Variants in FGF12 observed in about 807,000 individuals in gnomAD.
The protein encoded by FGF12 is fibroblast growth factor 12B.
In FGF12, 14 loss-of-function variants were observed where a neutral mutation model predicts 23.6. The observed-to-expected ratio is 0.59, with a 90% CI of 0.39 to 0.93. The LOEUF is 0.93. Ranked by LOEUF, FGF12 falls within the 40% of genes least tolerant of loss-of-function variation. FGF12 has a pLI of 0.00. For missense variants in FGF12, 175 were observed against 217.8 expected, an observed-to-expected ratio of 0.80 and a Z score of 1.24; for synonymous variants, 62 against 77.3, an observed-to-expected ratio of 0.80 and a Z score of 1.04.
chr3:192,663,057 T>G (rs533068451), intron 2 of FGF12, among the ~76,000 whole-genome samples: 1 of 152,300 alleles, frequency 6.6e-6, no homozygotes, highest in East Asian at 1.9e-4. Context: ...AATGTTCTTT[T>G]TAGGTAGGCC....
chr3:192,347,671 A>G (rs1176631732), intron 3 of FGF12, among the ~76,000 whole-genome samples: 1 of 152,140 alleles, frequency 6.6e-6, no homozygotes, highest in South Asian at 2.1e-4. Context: ...CAATTCTTCC[A>G]AAGAAAAGAA....
chr3:192,222,423 T>C (rs915957329), intron 4 of FGF12, among the ~76,000 whole-genome samples: 14 of 152,148 alleles, frequency 9.2e-5, no homozygotes, highest in Non-Finnish European at 1.8e-4. Context: ...CTCCCGAACA[T>C]GATTATTGGA....
At chr3:192,523,830 G>C (rs545538748) in intron 2 of FGF12, among the ~76,000 whole-genome samples, 1 of 152,184 alleles carries the variant, frequency 6.6e-6, no homozygotes, top group African/African-American at 2.4e-5. Context: ...GAAGCCTGTG[G>C]TAATGATAGC....
At chr3:192,437,247 A>T (rs1326042294) in intron 2 of FGF12, among the ~76,000 whole-genome samples, 2 of 152,214 alleles carry the variant, frequency 1.3e-5, no homozygotes, top group East Asian at 3.8e-4. Flanking sequence ...CACTCTCAAA[A>T]TCATTAGGAA....
intron 4 of FGF12, among the ~76,000 whole-genome samples, chr3:192,323,154 T>C (rs1214386709): frequency 1.3e-5 from 2 of 152,108 alleles, no homozygotes; most frequent in South Asian, 2.1e-4. Context: ...TGGAAAACAG[T>C]ATGGAGGTTC....
intron 4 of FGF12, among the ~76,000 whole-genome samples, chr3:192,320,213 A>G (rs1422192490): frequency 6.6e-6 from 1 of 152,182 alleles, no homozygotes; most frequent in Non-Finnish European, 1.5e-5. Context: ...ATCAGACAAA[A>G]TAGATTTCAA....
intron 5 of FGF12, 54 bp from the exon 6 acceptor site, chr3:192,144,181 A>G: frequency 2.0e-6 from 2 of 997,248 alleles, no homozygotes; most frequent in Admixed American, 2.0e-5. Context: ...AATTTCCTTC[A>G]ATAAGCTTTT....
chr3:192,252,146 T>A (rs1385378393), intron 4 of FGF12, among the ~76,000 whole-genome samples: 1 of 151,968 alleles, frequency 6.6e-6, no homozygotes, highest in Non-Finnish European at 1.5e-5. Context: ...TTCTCTAGGA[T>A]GCGAAATATT....
intron 2 of FGF12, among the ~76,000 whole-genome samples, chr3:192,416,250 A>G (rs1055395151): frequency 2.0e-5 from 3 of 152,114 alleles, no homozygotes; most frequent in African/African-American, 7.2e-5. Context: ...CTGTCAGAGG[A>G]TCAAATGGAA....
At chr3:192,712,697 C>T (rs977556281) in intron 2 of FGF12, among the ~76,000 whole-genome samples, 15 of 151,394 alleles carry the variant, frequency 9.9e-5, no homozygotes, top group African/African-American at 2.9e-4. Context: ...AGATATTTTC[C>T]GATATGAAAA....
chr3:192,561,172 G>A (rs539220047), intron 2 of FGF12, among the ~76,000 whole-genome samples: 84 of 151,612 alleles, frequency 5.5e-4, no homozygotes, highest in African/African-American at 1.9e-3. Context: ...ACAAACACAC[G>A]CACAGCTATA....
At position 192,378,030 on chromosome 3, in the gene FGF12, C is replaced by CT. The variant is rs1366066122; in HGVS notation, c.14-17493dup. ...TCCCTTTCTTCTGACTCTTTCTTTT[C>CT]TTTCTTTCTTTCTTTCTTTCTTTCT... On this transcript the variant is annotated intron_variant, in intron 2 of 5. Coordinates refer to ENST00000445105, the MANE Select transcript of FGF12 (RefSeq NM_004113.6). Among the ~76,000 whole-genome samples the CT allele has an allele frequency of 3.4e-5, 2 of 59,536 alleles. 1 individual carries two copies. The highest frequency in any genetic ancestry group is 1.3e-3 in the South Asian group (2 of 1,512). The allele number at this position is 59,536 out of a possible 152,430, so 39.1% of individuals were successfully genotyped here.
At position 192,573,242 on chromosome 3, in the gene FGF12, T is replaced by TA. The variant is rs35240510; in HGVS notation, c.13+153938dup. ...GGGATGGTTGGTGCCTTGTGGAGCT[T>TA]AAAAAAAAAAAAGGATAGTCAATAT... On this transcript the variant is annotated intron_variant, in intron 2 of 5. Coordinates refer to ENST00000445105, the MANE Select transcript of FGF12 (RefSeq NM_004113.6). Among the ~76,000 whole-genome samples, 321 of 148,244 alleles carry TA rather than the reference T, an allele frequency of 2.2e-3. 1 individual carries two copies. The highest frequency in any genetic ancestry group is 7.3e-3 in the African/African-American group (292 of 39,982).
chr3:192,373,104 T>A (rs933579010), intron 2 of FGF12, among the ~76,000 whole-genome samples: 6 of 152,194 alleles, frequency 3.9e-5, no homozygotes, highest in Non-Finnish European at 8.8e-5. Context: ...CACTGTTTTT[T>A]TTTTCACCTC....
At chr3:192,376,947 C>G (rs114994615) in intron 2 of FGF12, among the ~76,000 whole-genome samples, 1,526 of 152,264 alleles carry the variant, frequency 0.01, 24 homozygotes, top group African/African-American at 0.035. Context: ...ACATGGAAAG[C>G]TTTTGTATTG....
chr3:192,407,962 G>A, intron 2 of FGF12: 4 of 1,500,960 alleles, frequency 2.7e-6, no homozygotes, highest in Non-Finnish European at 2.7e-6. Flanking sequence ...GTCCCGAGGT[G>A]CTTTGAGGAG....
intron 2 of FGF12, among the ~76,000 whole-genome samples, chr3:192,680,997 A>G (rs1485171662): frequency 1.3e-5 from 2 of 152,224 alleles, no homozygotes; most frequent in African/African-American, 4.8e-5. Context: ...GCTCAGCTGA[A>G]CAAGTCTTCA....
rs146478940 is a variant in FGF12, at chr3:192,531,782, T to C, written c.14-171244A>G. Among the ~76,000 whole-genome samples, 646 of 152,354 alleles carry C rather than the reference T, an allele frequency of 4.2e-3. 2 individuals are homozygous for C. Among genetic ancestry groups the C allele is most frequent in the Non-Finnish European group, 6.3e-3 (428 of 68,028 alleles). ...TCTACCACACGCTTGATGCTGTCAC[T>C]GACACCTTGAGTTGAGGAATATAAG... On this transcript the variant is annotated intron_variant, in intron 2 of 5. Transcript: ENST00000445105.
intron 2 of FGF12, among the ~76,000 whole-genome samples, chr3:192,528,418 G>A (rs58010874): frequency 0.041 from 6,275 of 152,250 alleles, 354 homozygotes; most frequent in African/African-American, 0.13. Context: ...CTCGGCAACT[G>A]TGGCTTTGCA....
Sources: gnomAD v4.1 joint callset for allele counts (sites outside exome capture counted in the v4.1 genomes callset) on GRCh38, gnomAD v4.1.1 for gene constraint, MANE v1.5 for transcripts, NCBI Gene and HGNC (gene_info 2026-07-23, HGNC 2026-07-21) for gene names.